TNIP3: variants seen among roughly 807,000 people sequenced by gnomAD.
TNIP3 encodes the protein TNFAIP3-interacting protein 3.
A neutral mutation model predicts 54.1 loss-of-function variants in TNIP3; 34 were observed. That is an observed-to-expected ratio of 0.63 (90% confidence interval 0.48 to 0.84). The LOEUF (loss-of-function observed/expected upper bound fraction) is 0.84, where lower values mean the gene tolerates loss of function less well. Ranked by LOEUF, TNIP3 falls within the 40% of genes least tolerant of loss-of-function variation. The pLI is 0.00. For synonymous variants in TNIP3, 134 were observed against 136.8 expected (o/e 0.98, Z 0.14); for missense variants, 366 against 387.6 (o/e 0.94, Z 0.47).
chr4:121,174,954 G>A (rs796070139), intron 3 of TNIP3, among the ~76,000 whole-genome samples: 1 of 152,174 alleles, frequency 6.6e-6, no homozygotes, highest in Non-Finnish European at 1.5e-5. Context: ...TGAGAAAGAA[G>A]GCTTATTGAT....
intron 3 of TNIP3, among the ~76,000 whole-genome samples, chr4:121,178,209 C>A (rs1311412508): frequency 6.6e-6 from 1 of 152,198 alleles, no homozygotes; most frequent in Non-Finnish European, 1.5e-5. Context: ...ATTAGCTGTA[C>A]AATCATGAGA....
chr4:121,167,608 T>A (rs902703735), upstream of TNIP3, among the ~76,000 whole-genome samples: 4 of 152,192 alleles, frequency 2.6e-5, no homozygotes, highest in African/African-American at 7.2e-5. Context: ...TAATTTCAGA[T>A]TAAGAAATGT....
At chr4:121,144,608 G>A (rs1729323533) in intron 7 of TNIP3, among the ~76,000 whole-genome samples, 1 of 152,082 alleles carries the variant, frequency 6.6e-6, no homozygotes, top group South Asian at 2.1e-4. Context: ...CGCCATTTTG[G>A]CCAGGCTGGT....
chr4:121,206,120 G>A (rs1421797347), intron 2 of TNIP3, among the ~76,000 whole-genome samples: 1 of 152,012 alleles, frequency 6.6e-6, no homozygotes, highest in African/African-American at 2.4e-5. Context: ...GGGAATTATG[G>A]GAACTACAAT....
chr4:121,163,980 T>C, intron 1 of TNIP3, 80 bp downstream of exon 1: 1 of 1,512,740 alleles, frequency 6.6e-7, no homozygotes, highest in Non-Finnish European at 9.0e-7. Context: ...TCTGTTCTTA[T>C]TAATAAGTGC....
intron 3 of TNIP3, among the ~76,000 whole-genome samples, chr4:121,178,309 T>C (rs1187060938): frequency 6.6e-6 from 1 of 152,120 alleles, no homozygotes; most frequent in Non-Finnish European, 1.5e-5. Context: ...TTTGCAAAAA[T>C]GCTGGCCAAG....
At chr4:121,189,521 G>T (rs1327259003) in intron 2 of TNIP3, among the ~76,000 whole-genome samples, 1 of 152,118 alleles carries the variant, frequency 6.6e-6, no homozygotes, top group Admixed American at 6.5e-5. Context: ...GTGATTTTGT[G>T]AAGAAACAAG....
intron 2 of TNIP3, among the ~76,000 whole-genome samples, chr4:121,211,377 G>T (rs1190092036): frequency 1.3e-5 from 2 of 152,172 alleles, no homozygotes; most frequent in Non-Finnish European, 2.9e-5. Context: ...TATTTGAACA[G>T]AGACATAAGT....
intron 2 of TNIP3, among the ~76,000 whole-genome samples, chr4:121,188,809 T>C (rs1486661376): frequency 6.6e-6 from 1 of 152,216 alleles, no homozygotes; most frequent in African/African-American, 2.4e-5. Context: ...ATACATTGAA[T>C]AAAACCTTGG....
At position 121,138,649 on chromosome 4, in the gene TNIP3, C is replaced by T. The variant is rs768490390; in HGVS notation, c.921G>A (p.Pro307=). 9 of 1,613,856 alleles carry T rather than the reference C, an allele frequency of 5.6e-6. No homozygotes were observed. The highest frequency in any genetic ancestry group is 7.6e-6 in the Non-Finnish European group (9 of 1,179,890). The change falls in exon 10 of 11, where the codon CCG becomes CCA. Residue 307 remains proline, a synonymous_variant. Transcript: ENST00000057513. ...DYQWYALDQL[P]PDVQHKANGL... is the part of the protein sequence containing the mutation. The stretch of plus-strand genomic sequence containing the variant: ...CATTTGCCTTGTGTTGTACATCTGG[C>T]GGAAGCTGGTCAAGAGCATACCACT...
At chr4:121,216,424 T>G (rs1399513167) in exon 2 of TNIP3, 1 of 1,535,518 alleles carries the variant, frequency 6.5e-7, no homozygotes, top group East Asian at 2.4e-5. Context: ...CCTTTCAGAA[T>G]CTTCAGATTG....
At chr4:121,192,273 A>G (rs1725344773) in intron 2 of TNIP3, among the ~76,000 whole-genome samples, 2 of 152,208 alleles carry the variant, frequency 1.3e-5, no homozygotes, top group Non-Finnish European at 2.9e-5. Flanking sequence ...AAATAATGGA[A>G]TAAATTATTG....
chr4:121,154,572 A>G lies in TNIP3; in HGVS notation c.471T>C (p.Cys157=), dbSNP rs1729965231. The part of the protein sequence containing the change: ...LANKEKEHYE[C]EIKRLNKALQ... Reference sequence around the variant, plus strand: ...ATACCTTATTGAGGCGTTTTATTTCACATTCGTAATGTTCCTTTTCCTTGT... The same window carrying G: ...ATACCTTATTGAGGCGTTTTATTTCGCATTCGTAATGTTCCTTTTCCTTGT... The change falls in exon 5 of 11, where the codon TGT becomes TGC. Residue 157 remains cysteine, a synonymous_variant. Transcript: ENST00000057513. 6.2e-7 allele frequency: 1 copy of G among 1,613,682 alleles called. No homozygotes were observed. The highest frequency in any genetic ancestry group is 1.3e-5 in the African/African-American group (1 of 74,878).
At chr4:121,155,977 G>A (rs1730060587) in intron 4 of TNIP3, among the ~76,000 whole-genome samples, 1 of 152,092 alleles carries the variant, frequency 6.6e-6, no homozygotes, top group Non-Finnish European at 1.5e-5. Flanking sequence ...CATAATTTAA[G>A]AGAAAATTAT....
chr4:121,165,882 C>T (rs1730739748), upstream of TNIP3, among the ~76,000 whole-genome samples: 1 of 152,120 alleles, frequency 6.6e-6, no homozygotes, highest in Non-Finnish European at 1.5e-5. Context: ...TGAACTGACA[C>T]TTTATCAACA....
At chr4:121,198,679 C>T (rs1278496476) in intron 2 of TNIP3, among the ~76,000 whole-genome samples, 1 of 152,186 alleles carries the variant, frequency 6.6e-6, no homozygotes, top group Non-Finnish European at 1.5e-5. Flanking sequence ...ATAAACATGG[C>T]TTGAAAGATC....
At chr4:121,157,562 A>G (rs543300108) in intron 3 of TNIP3, among the ~76,000 whole-genome samples, 1 of 151,688 alleles carries the variant, frequency 6.6e-6, no homozygotes, top group Non-Finnish European at 1.5e-5. Context: ...TCTATTCTCA[A>G]CTCTCCAGGT....
upstream of TNIP3, among the ~76,000 whole-genome samples, chr4:121,168,515 TCTTTG>T (rs757503924): frequency 0.034 from 4,596 of 135,934 alleles, 118 homozygotes; most frequent in African/African-American, 0.047. Context: ...TTTTTTCTTT[TCTTTG>T]CTTTTTTTTT....
chr4:121,166,675 A>G (rs1730784198), upstream of TNIP3, among the ~76,000 whole-genome samples: 1 of 152,236 alleles, frequency 6.6e-6, no homozygotes, highest in Admixed American at 6.5e-5. Flanking sequence ...GGTGGACAAT[A>G]ATTATCTTAA....
Sources: gnomAD v4.1 joint callset for allele counts (sites outside exome capture counted in the v4.1 genomes callset) on GRCh38, gnomAD v4.1.1 for gene constraint, MANE v1.5 for transcripts, NCBI Gene and HGNC (gene_info 2026-07-23, HGNC 2026-07-21) for gene names.